The following AMPH variants were observed in gnomAD, a reference collection of about 807,000 sequenced individuals.
AMPH encodes the protein amphiphysin.
AMPH carries 49 observed loss-of-function variants against 99.1 expected under a neutral mutation model. The ratio of observed to expected loss-of-function variants is 0.49; its 90% CI spans 0.39 to 0.63. AMPH has a LOEUF of 0.63. Among genes scored for constraint, AMPH ranks in the 20% least tolerant of loss-of-function variants. The pLI is 0.00. For synonymous variants in AMPH, 314 were observed against 317.3 expected, an observed-to-expected ratio of 0.99 and a Z score of 0.11; for missense variants, 759 against 863.4, an observed-to-expected ratio of 0.88 and a Z score of 1.52.
At chr7:38,542,364 T>C (rs1004260767) in intron 1 of AMPH, among the ~76,000 whole-genome samples, 1 of 152,226 alleles carries the variant, frequency 6.6e-6, no homozygotes. Context: ...TCTCATGTCA[T>C]TATTGCACAG....
intron 1 of AMPH, among the ~76,000 whole-genome samples, chr7:38,582,403 A>G (rs1792499846): frequency 6.6e-6 from 1 of 152,128 alleles, no homozygotes; most frequent in Non-Finnish European, 1.5e-5. Flanking sequence ...AAGCATATAG[A>G]TCAGGAATTA....
At chr7:38,561,973 T>A in intron 1 of AMPH, among the ~76,000 whole-genome samples, 1 of 150,926 alleles carries the variant, frequency 6.6e-6, no homozygotes, top group Non-Finnish European at 1.5e-5. Flanking sequence ...ATATGTTTTT[T>A]TTTTTTTGTT....
At chr7:38,459,528 C>A (rs1462936701) in intron 11 of AMPH, among the ~76,000 whole-genome samples, 1 of 151,910 alleles carries the variant, frequency 6.6e-6, no homozygotes, top group Non-Finnish European at 1.5e-5. Flanking sequence ...AATACAAAGC[C>A]CAGTAATAAA....
chr7:38,610,209 C>T lies in AMPH; in HGVS notation c.69+21074G>A, dbSNP rs1320709931. Among the ~76,000 whole-genome samples the T allele has an allele frequency of 7.1e-4, 86 of 121,644 alleles. 1 individual carries two copies. Among genetic ancestry groups the T allele is most frequent in the Middle Eastern group, 4.5e-3 (1 of 222 alleles). The allele number at this position is 121,644 out of a possible 152,430, so 79.8% of individuals were successfully genotyped here. Reference sequence around the variant, plus strand: ...CAAAATCGCACCATTGCACTCCAGCCCGGGCAACAAAAGCTAAGCTCTCTC... The same window carrying T: ...CAAAATCGCACCATTGCACTCCAGCTCGGGCAACAAAAGCTAAGCTCTCTC... On this transcript the variant is annotated intron_variant, in intron 1 of 20. Coordinates refer to ENST00000356264, the MANE Select transcript of AMPH (RefSeq NM_001635.4).
rs188298379 is a variant in AMPH at position 38,598,500 on chromosome 7, C to T, written c.69+32783G>A. The stretch of plus-strand genomic sequence containing the variant: ...TGTATTTTTAGTAGAGATGGGGTTT[C>T]GCCATGTTGGCCAGGCTGGTCTCGA... On this transcript the variant is annotated intron_variant, in intron 1 of 20. Transcript: ENST00000356264. Among the ~76,000 whole-genome samples, 602 of 152,170 alleles carry T rather than the reference C, an allele frequency of 4.0e-3. 3 individuals are homozygous for T. The highest frequency in any genetic ancestry group is 0.013 in the African/African-American group (556 of 41,542).
At chr7:38,393,098 T>C (rs1784562837) in intron 18 of AMPH, among the ~76,000 whole-genome samples, 2 of 152,102 alleles carry the variant, frequency 1.3e-5, no homozygotes, top group South Asian at 4.1e-4. Context: ...CGTCTTTCCA[T>C]GAGTAGAACA....
chr7:38,468,945 G>T (rs1227198803), intron 7 of AMPH, among the ~76,000 whole-genome samples: 2 of 68,308 alleles, frequency 2.9e-5, no homozygotes, highest in African/African-American at 6.8e-5. Context: ...ACGAGGTCAG[G>T]AGATCGAGAC....
At position 38,465,392 on chromosome 7, in the gene AMPH, G is replaced by C. The variant is rs893179196; in HGVS notation, c.749+75C>G. 4.6e-6 allele frequency: 6 copies of C among 1,305,568 alleles called. No homozygotes were observed. The African/African-American group carries it at 7.4e-5, about 16-fold the overall frequency. The allele number at this position is 1,305,568 out of a possible 1,614,324, so 80.9% of individuals were successfully genotyped here. A position where few individuals can be genotyped will look rare whatever the true frequency, so the allele number is the denominator to read the frequency against. ...GGACTTTTGTAGGATAAATAAAATA[G>C]TACAGGCTGGTCCACAGATTGAAGA... On this transcript the variant is annotated intron_variant, in intron 9 of 20. Transcript: ENST00000356264.
chr7:38,413,787 G>T (rs1785284527), intron 17 of AMPH, among the ~76,000 whole-genome samples: 1 of 152,150 alleles, frequency 6.6e-6, no homozygotes, highest in East Asian at 1.9e-4. Flanking sequence ...GTTAATAAGG[G>T]CAGACAATAA....
At chr7:38,534,636 A>T (rs1473942714) in intron 2 of AMPH, among the ~76,000 whole-genome samples, 1 of 152,212 alleles carries the variant, frequency 6.6e-6, no homozygotes, top group Non-Finnish European at 1.5e-5. Context: ...AAATTGTGTC[A>T]CTGCACGCCA....
intron 1 of AMPH, among the ~76,000 whole-genome samples, chr7:38,622,431 A>C (rs1357068423): frequency 6.9e-6 from 1 of 145,248 alleles, no homozygotes; most frequent in African/African-American, 2.6e-5. Context: ...ATATGTAACT[A>C]TATATTTGTA....
chr7:38,560,427 T>C (rs989803987), intron 1 of AMPH, among the ~76,000 whole-genome samples: 1 of 152,222 alleles, frequency 6.6e-6, no homozygotes, highest in African/African-American at 2.4e-5. Context: ...AATTCCCACC[T>C]GGCCCATGGA....
chr7:38,475,907 G>T (rs985233618), intron 6 of AMPH, among the ~76,000 whole-genome samples: 1 of 152,158 alleles, frequency 6.6e-6, no homozygotes, highest in Admixed American at 6.6e-5. Context: ...GGGTAAGAAA[G>T]ACATTACAAT....
In AMPH at chr7:38,421,321, A is replaced by G. The variant is rs529300319; in HGVS notation, c.1272+1100T>C. Among the ~76,000 whole-genome samples, 185 of 152,340 alleles carry G rather than the reference A, an allele frequency of 1.2e-3. 1 individual carries two copies. Among genetic ancestry groups the G allele is most frequent in the Middle Eastern group, 6.8e-3 (2 of 294 alleles). On this transcript the variant is annotated intron_variant, in intron 16 of 20. Coordinates refer to ENST00000356264, the MANE Select transcript of AMPH (RefSeq NM_001635.4). ...CTCCATTTCTCATAAACCATTCATG[A>G]TTGATAATTAAAAATTCCGTTCTCC... is the stretch of plus-strand genomic sequence containing the variant.
At chr7:38,494,369 G>T in intron 4 of AMPH, 64 bp downstream of exon 4, 1 of 1,363,310 alleles carries the variant, frequency 7.3e-7, no homozygotes, top group Non-Finnish European at 1.0e-6. Flanking sequence ...GAAAGAGCAA[G>T]TCAGGGGACA....
intron 1 of AMPH, among the ~76,000 whole-genome samples, chr7:38,621,479 T>C (rs1482522643): frequency 2.4e-4 from 37 of 152,176 alleles, no homozygotes; most frequent in Non-Finnish European, 5.9e-5. Flanking sequence ...GACAATAGAA[T>C]AGATAACTAA....
intron 11 of AMPH, among the ~76,000 whole-genome samples, chr7:38,449,473 C>G (rs1786922259): frequency 6.6e-6 from 1 of 152,188 alleles, no homozygotes; most frequent in Admixed American, 6.5e-5. Context: ...TAGTAGCTTT[C>G]CCTGTTCTGT....
At chr7:38,439,045 A>G (rs977610757) in intron 11 of AMPH, among the ~76,000 whole-genome samples, 3 of 152,140 alleles carry the variant, frequency 2.0e-5, no homozygotes, top group African/African-American at 7.2e-5. Context: ...TGTTCTCACA[A>G]TAGTGAATGA....
chr7:38,564,878 A>G (rs1013833229), intron 1 of AMPH, among the ~76,000 whole-genome samples: 3 of 152,152 alleles, frequency 2.0e-5, no homozygotes, highest in Non-Finnish European at 4.4e-5. Context: ...TAATCCCAGC[A>G]CTCTGGGAGG....
Sources: gnomAD v4.1 joint callset for allele counts (sites outside exome capture counted in the v4.1 genomes callset) on GRCh38, gnomAD v4.1.1 for gene constraint, MANE v1.5 for transcripts, NCBI Gene and HGNC (gene_info 2026-07-23, HGNC 2026-07-21) for gene names.